The following KIAA1328 variants were observed in gnomAD, a reference collection of about 807,000 sequenced individuals.
KIAA1328 encodes KIAA1328.
KIAA1328 carries 52 observed loss-of-function variants against 68.1 expected under a neutral mutation model. That is an observed-to-expected ratio of 0.76 (90% CI 0.61 to 0.96). The LOEUF is 0.96. Ranked by LOEUF, KIAA1328 falls within the 40% of genes least tolerant of loss-of-function variation. The pLI is 0.00. For missense variants in KIAA1328, 641 were observed against 677.6 expected (o/e 0.95, Z 0.60); for synonymous variants, 232 against 239.4 (o/e 0.97, Z 0.28).
Position 37,155,123 on chromosome 18 carries a change from C to T in KIAA1328, c.1233-5077C>T, listed in dbSNP as rs193295970. Among the ~76,000 whole-genome samples, 16 of 152,172 alleles carry T rather than the reference C, an allele frequency of 1.1e-4. No individual in the cohort carries two copies. In the East Asian group the frequency reaches 2.7e-3, roughly 26 times the overall value. Reference sequence around the variant, plus strand: ...AATCTTTTTCTTTTCATTTCTATTTCGAATTCCCTCAATACATACTCCAAA... The same window carrying T: ...AATCTTTTTCTTTTCATTTCTATTTTGAATTCCCTCAATACATACTCCAAA... On this transcript the variant is annotated intron_variant, in intron 7 of 9. Transcript: ENST00000280020.
chr18:36,839,918 A>C (rs2046802697), intron 3 of KIAA1328, among the ~76,000 whole-genome samples: 2 of 152,022 alleles, frequency 1.3e-5, no homozygotes, highest in Non-Finnish European at 2.9e-5. Context: ...TTTCCCCGGG[A>C]TGAGTAGTTT....
chr18:36,961,939 T>C (rs1461500593), intron 6 of KIAA1328, among the ~76,000 whole-genome samples: 1 of 152,224 alleles, frequency 6.6e-6, no homozygotes, highest in Non-Finnish European at 1.5e-5. Context: ...AACATCATAA[T>C]GACAGGATCA....
chr18:36,864,134 T>C (rs925935774), intron 4 of KIAA1328, among the ~76,000 whole-genome samples: 1 of 152,206 alleles, frequency 6.6e-6, no homozygotes, highest in Non-Finnish European at 1.5e-5. Context: ...TTCCTAGTTT[T>C]ATAAGATTTT....
chr18:36,910,029 G>A (rs2049374466), intron 5 of KIAA1328, among the ~76,000 whole-genome samples: 1 of 152,028 alleles, frequency 6.6e-6, no homozygotes, highest in African/African-American at 2.4e-5. Flanking sequence ...CTGGATATTA[G>A]CCCTTCGTCA....
At chr18:36,908,483 T>C (rs984964492) in intron 5 of KIAA1328, among the ~76,000 whole-genome samples, 1 of 152,004 alleles carries the variant, frequency 6.6e-6, no homozygotes, top group African/African-American at 2.4e-5. Flanking sequence ...AGGACTACAG[T>C]TGCGTGTCAC....
chr18:36,891,998 A>G (rs1429097095), intron 5 of KIAA1328, among the ~76,000 whole-genome samples: 2 of 152,364 alleles, frequency 1.3e-5, no homozygotes, highest in South Asian at 2.1e-4. Flanking sequence ...CAAGATTTTT[A>G]TATGATTATG....
intron 6 of KIAA1328, among the ~76,000 whole-genome samples, chr18:36,976,490 C>T (rs1272154991): frequency 6.6e-6 from 1 of 151,796 alleles, no homozygotes; most frequent in African/African-American, 2.4e-5. Flanking sequence ...CAGTAGCCAC[C>T]GAAATCTCAA....
intron 5 of KIAA1328, among the ~76,000 whole-genome samples, chr18:36,924,724 C>G (rs1349312981): frequency 6.6e-6 from 1 of 151,786 alleles, no homozygotes; most frequent in African/African-American, 2.4e-5. Context: ...AAGCCAAGGA[C>G]ACACCCCAAT....
intron 7 of KIAA1328, among the ~76,000 whole-genome samples, chr18:37,133,982 A>C (rs182674231): frequency 6.6e-6 from 1 of 151,584 alleles, no homozygotes; most frequent in Non-Finnish European, 1.5e-5. Flanking sequence ...TAGAGCAGCA[A>C]TTCTCAAGCA....
intron 5 of KIAA1328, among the ~76,000 whole-genome samples, chr18:36,908,134 C>G (rs966037257): frequency 6.6e-6 from 1 of 152,022 alleles, no homozygotes; most frequent in Non-Finnish European, 1.5e-5. Context: ...AACTAACTTG[C>G]AATAAAAACA....
intron 7 of KIAA1328, among the ~76,000 whole-genome samples, chr18:37,140,844 C>A (rs957325011): frequency 9.2e-5 from 14 of 152,094 alleles, no homozygotes; most frequent in African/African-American, 3.4e-4. Context: ...TCATTGTATG[C>A]ATTTTATCTA....
intron 4 of KIAA1328, among the ~76,000 whole-genome samples, chr18:36,875,657 A>C (rs887080255): frequency 2.0e-5 from 3 of 152,112 alleles, no homozygotes; most frequent in Admixed American, 6.5e-5. Context: ...AATACCATTT[A>C]TTTCTTTCTC....
At chr18:36,880,863 T>G (rs2048306226) in intron 4 of KIAA1328, among the ~76,000 whole-genome samples, 1 of 152,324 alleles carries the variant, frequency 6.6e-6, no homozygotes, top group East Asian at 1.9e-4. Flanking sequence ...TCTGTTAACA[T>G]AGTGAAATAC....
intron 7 of KIAA1328, among the ~76,000 whole-genome samples, chr18:37,153,293 C>T (rs2059078204): frequency 6.6e-6 from 1 of 152,160 alleles, no homozygotes; most frequent in Non-Finnish European, 1.5e-5. Flanking sequence ...TAAACTCACT[C>T]CTTGTGTGTC....
At chr18:37,098,639 A>G (rs1281413288) in intron 7 of KIAA1328, among the ~76,000 whole-genome samples, 1 of 152,348 alleles carries the variant, frequency 6.6e-6, no homozygotes, top group East Asian at 1.9e-4. Flanking sequence ...GAATAGTTTC[A>G]GAAGGAATGG....
intron 7 of KIAA1328, among the ~76,000 whole-genome samples, chr18:37,085,783 T>A (rs1229959980): frequency 6.6e-6 from 1 of 152,086 alleles, no homozygotes; most frequent in East Asian, 1.9e-4. Flanking sequence ...TTCCTCTCTT[T>A]ACCTTTCTTT....
chr18:37,054,938 A>G (rs896775628), intron 6 of KIAA1328, among the ~76,000 whole-genome samples: 3 of 152,158 alleles, frequency 2.0e-5, no homozygotes, highest in Admixed American at 6.5e-5. Context: ...CTAGTGTTCT[A>G]TTCTGTTATT....
chr18:36,838,848 C>T (rs2150782587), intron 3 of KIAA1328, among the ~76,000 whole-genome samples: 1 of 152,272 alleles, frequency 6.6e-6, no homozygotes, highest in South Asian at 2.1e-4. Flanking sequence ...GATTCTCCTA[C>T]CTCAGCCTCC....
chr18:36,855,062 C>G (rs1409323135), intron 4 of KIAA1328, among the ~76,000 whole-genome samples: 3 of 152,024 alleles, frequency 2.0e-5, no homozygotes, highest in Admixed American at 2.0e-4. Flanking sequence ...CTGTTAATAG[C>G]CCTTTTTGTT....
Sources: allele counts gnomAD v4.1 joint callset (sites outside exome capture counted in the v4.1 genomes callset), GRCh38; gene constraint gnomAD v4.1.1; transcripts MANE v1.5; gene names NCBI Gene and HGNC (gene_info 2026-07-23, HGNC 2026-07-21).